The following F8 variants were observed in gnomAD, a reference collection of about 807,000 sequenced individuals.
The protein encoded by F8 is coagulation factor VIII.
Under a neutral mutation model 140.6 loss-of-function variants are expected in F8, and 12 were observed. That is an observed-to-expected ratio of 0.09 (90% CI 0.05 to 0.14). The LOEUF (loss-of-function observed/expected upper bound fraction) is 0.14. F8 is among the 10% of genes least tolerant of loss of function. The probability of loss-of-function intolerance (pLI) is 1.00; values close to 1 mark genes in which losing one functional copy is unlikely to be tolerated. For synonymous variants in F8, 585 were observed against 614.6 expected (o/e 0.95, Z 0.71); for missense variants, 1,354 against 1,720.7 (o/e 0.79, Z 3.77).
chrX:154,994,557 G>T (rs115571730), intron 3 of F8, among the ~76,000 whole-genome samples: 1,435 of 111,925 alleles, frequency 0.013, 24 homozygotes, highest in African/African-American at 0.044. Flanking sequence ...AAGAAATTTG[G>T]CTTGTAGTCC....
At chrX:154,955,742 T>C (rs1460189223) in intron 11 of F8, among the ~76,000 whole-genome samples, 4 of 111,078 alleles carry the variant, frequency 3.6e-5, no homozygotes. Flanking sequence ...GATCACATGA[T>C]TCAAAGGCAA....
intron 14 of F8, among the ~76,000 whole-genome samples, chrX:154,914,843 C>T (rs781942543): frequency 8.9e-6 from 1 of 111,930 alleles, no homozygotes; most frequent in South Asian, 3.8e-4. Flanking sequence ...ACTGTTCCAT[C>T]CTCTGCCTGT....
intron 13 of F8, among the ~76,000 whole-genome samples, chrX:154,934,069 G>A (rs1392097947): frequency 9.0e-6 from 1 of 111,579 alleles, no homozygotes; most frequent in Non-Finnish European, 1.9e-5. Flanking sequence ...AGTTTTTAAG[G>A]TAGTGAAGAA....
At chrX:154,848,809 G>A (rs892756845) in intron 25 of F8, among the ~76,000 whole-genome samples, 3 of 111,128 alleles carry the variant, frequency 2.7e-5, no homozygotes, top group Admixed American at 1.9e-4. Flanking sequence ...CCCACTGTCC[G>A]ACAAGCCACA....
rs781833840 is a variant in F8, at chrX:154,897,891, G to C, written c.6274-1659C>G. On this transcript the variant is annotated intron_variant, in intron 21 of 25. Coordinates refer to ENST00000360256, the MANE Select transcript of F8 (RefSeq NM_000132.4). ...TGATGAATGCTTGACAAACTGCCAG[G>C]CTTATCCACTTCATCTTCTTGTGCC... The C allele has an allele frequency of 4.5e-5, 5 of 112,165 alleles. No homozygotes were observed. In the East Asian group the frequency reaches 8.3e-4, roughly 19 times the overall value. 9.2% of individuals were successfully genotyped at this position (112,165 alleles called of 1,213,427 possible).
intron 25 of F8, among the ~76,000 whole-genome samples, chrX:154,848,376 C>T (rs2072587240): frequency 8.9e-6 from 1 of 112,912 alleles, no homozygotes; most frequent in Admixed American, 9.3e-5. Flanking sequence ...CTTTGCCCTG[C>T]CCCCAAAGGT....
intron 1 of F8, among the ~76,000 whole-genome samples, chrX:155,017,155 C>T (rs1161736084): frequency 2.7e-5 from 3 of 112,752 alleles, no homozygotes; most frequent in Non-Finnish European, 5.6e-5. Flanking sequence ...AGTGTTGATG[C>T]ACCATTGCTG....
intron 6 of F8, among the ~76,000 whole-genome samples, chrX:154,983,229 C>T (rs1352735838): frequency 1.8e-5 from 2 of 112,062 alleles, no homozygotes; most frequent in Non-Finnish European, 3.8e-5. Flanking sequence ...CTATTGTTAC[C>T]TTATTTTTAA....
rs1395992838 is a variant in F8, at chrX:154,861,721, A to C, written c.6720T>G (p.Pro2240=). 11 of 1,209,822 alleles carry C rather than the reference A, an allele frequency of 9.1e-6. No homozygotes were observed. The highest frequency in any genetic ancestry group is 1.2e-5 in the Non-Finnish European group (11 of 895,014). Residue 2240 remains proline (P), a synonymous_variant, in exon 24 of 26, where the codon CCT becomes CCG. Transcript: ENST00000360256. ...HLQGRSNAWR[P]QVNNPKEWLQ... The stretch of plus-strand genomic sequence containing the variant: ...CAGTAAATCTGTTGCCTCTTACCTG[A>C]GGTCTCCAGGCATTACTCCTCCCTT...
chrX:154,907,807 GAGA>G (rs1214471643), intron 14 of F8, among the ~76,000 whole-genome samples: 2 of 111,170 alleles, frequency 1.8e-5, no homozygotes, highest in African/African-American at 3.3e-5. Context: ...TTGATTGCTG[GAGA>G]AGAAGGACAC....
chrX:154,934,531 TAGGAAA>T (rs1167780825), intron 13 of F8, among the ~76,000 whole-genome samples: 1 of 111,484 alleles, frequency 9.0e-6, no homozygotes, highest in Non-Finnish European at 1.9e-5. Context: ...TCTCAAAAGG[TAGGAAA>T]GATGGGACCA....
At chrX:154,981,617 C>T (rs782308182) in intron 6 of F8, among the ~76,000 whole-genome samples, 6 of 111,050 alleles carry the variant, frequency 5.4e-5, no homozygotes, top group Non-Finnish European at 9.4e-5. Context: ...TACTCAGAAG[C>T]TCCTGATGGG....
At position 154,939,153 on chromosome X, in the gene F8, T is replaced by C. The variant is rs781905126; in HGVS notation, c.2114-7477A>G. Among the ~76,000 whole-genome samples, 5 of 110,369 alleles carry C rather than the reference T, an allele frequency of 4.5e-5. No homozygotes were observed. The East Asian group carries it at 1.4e-3, about 32-fold the overall frequency. On this transcript the variant is annotated intron_variant, in intron 13 of 25. Transcript: ENST00000360256. Reference sequence around the variant, plus strand: ...GTACCGGGTTCATCTTACTGGGGAGTGCCGGACAGTGGGTGCAGGACAGTG... The same window carrying C: ...GTACCGGGTTCATCTTACTGGGGAGCGCCGGACAGTGGGTGCAGGACAGTG...
intron 10 of F8, among the ~76,000 whole-genome samples, chrX:154,958,778 T>A (rs1414517309): frequency 1.8e-5 from 2 of 111,032 alleles, no homozygotes; most frequent in African/African-American, 6.6e-5. Flanking sequence ...AATGCCCGGC[T>A]ATTTTTTTTG....
chrX:155,008,863 G>A (rs1240110665), intron 1 of F8, among the ~76,000 whole-genome samples: 2 of 109,223 alleles, frequency 1.8e-5, no homozygotes, highest in Non-Finnish European at 3.8e-5. Flanking sequence ...GGGACACAGA[G>A]GCCTGGACAT....
intron 14 of F8, among the ~76,000 whole-genome samples, chrX:154,910,710 G>A (rs1282445538): frequency 1.8e-5 from 2 of 111,842 alleles, no homozygotes; most frequent in African/African-American, 3.3e-5. Context: ...ATATGGCCTC[G>A]TGGGAAGGGA....
intron 25 of F8, among the ~76,000 whole-genome samples, chrX:154,849,998 G>A (rs782729085): frequency 8.2e-5 from 9 of 110,077 alleles, no homozygotes; most frequent in South Asian, 3.9e-4. Context: ...ATTTTCACAC[G>A]CACACCTGGC....
intron 22 of F8, among the ~76,000 whole-genome samples, chrX:154,895,390 T>C (rs1557275531): frequency 8.9e-6 from 1 of 112,191 alleles, no homozygotes; most frequent in African/African-American, 3.2e-5. Flanking sequence ...AGGCGACTGA[T>C]GATTATCCTG....
intron 22 of F8, among the ~76,000 whole-genome samples, chrX:154,866,462 A>G (rs2072731997): frequency 8.9e-6 from 1 of 112,196 alleles, no homozygotes; most frequent in Non-Finnish European, 1.9e-5. Flanking sequence ...AACATTCTTC[A>G]GGACAGATCA....
Sources: allele counts gnomAD v4.1 joint callset (sites outside exome capture counted in the v4.1 genomes callset), GRCh38; gene constraint gnomAD v4.1.1; transcripts MANE v1.5; gene names NCBI Gene and HGNC (gene_info 2026-07-23, HGNC 2026-07-21).